UBE2D3: variants seen among roughly 807,000 people sequenced by gnomAD.
The protein encoded by UBE2D3 is ubiquitin-conjugating enzyme E2 D3.
In UBE2D3, 2 loss-of-function variants were observed where a neutral mutation model predicts 22.8. That is an observed-to-expected ratio of 0.09 (90% CI 0.04 to 0.28). The LOEUF (loss-of-function observed/expected upper bound fraction) is 0.28. Among genes scored for constraint, UBE2D3 ranks in the 10% least tolerant of loss-of-function variants. UBE2D3 has a pLI of 1.00. For missense variants in UBE2D3, 27 were observed against 182.5 expected (o/e 0.15, Z 4.91); for synonymous variants, 56 against 60.4 (o/e 0.93, Z 0.34).
intron 6 of UBE2D3, among the ~76,000 whole-genome samples, chr4:102,800,152 A>G (rs987109963): frequency 6.6e-6 from 1 of 152,080 alleles, no homozygotes. Context: ...AGTGCCTGCT[A>G]TGTGCCAGTC....
rs78800645 is a variant in UBE2D3, at chr4:102,857,124, G to C, written c.-129+11591C>G. 8.8e-3 allele frequency among the ~76,000 whole-genome samples: 1,337 copies of C among 152,286 alleles called. 13 individuals are homozygous for C. Among genetic ancestry groups the C allele is most frequent in the African/African-American group, 0.029 (1,222 of 41,562 alleles). Reference sequence around the variant, plus strand: ...CCACACTAATGCAGGATATTAATAGGAGAAATGGTGTGTGTTGGGTTAGAG... The same window carrying C: ...CCACACTAATGCAGGATATTAATAGCAGAAATGGTGTGTGTTGGGTTAGAG... On this transcript the variant is annotated intron_variant, in intron 1 of 7. Coordinates refer to the UBE2D3 transcript ENST00000338145.
intron 6 of UBE2D3, 87 bp downstream of exon 6, chr4:102,801,367 G>A (rs1726129588): frequency 8.7e-7 from 1 of 1,153,008 alleles, no homozygotes; most frequent in Non-Finnish European, 1.2e-6. Context: ...CCAAAAAGCT[G>A]CCATAATAAA....
rs368222837 is a variant in UBE2D3 at position 102,860,530 on chromosome 4, C to G, written c.-129+8185G>C. On this transcript the variant is annotated intron_variant, in intron 1 of 7. Coordinates refer to the UBE2D3 transcript ENST00000338145. The stretch of plus-strand genomic sequence containing the variant: ...ACTAGCTTCAGAAGGGAAAGACGTT[C>G]ACCAGTCAGCCTGACTAGAGATTCT... 9.9e-4 allele frequency among the ~76,000 whole-genome samples: 151 copies of G among 151,930 alleles called. 1 individual carries two copies. Among genetic ancestry groups the G allele is most frequent in the African/African-American group, 3.5e-3 (147 of 41,500 alleles).
In UBE2D3 at chr4:102,796,535, C is replaced by A. The variant is rs1472934752; in HGVS notation, c.*880G>T. On this transcript the variant is annotated 3_prime_UTR_variant, in exon 8 of 8. Transcript: ENST00000453744. Reference sequence around the variant, plus strand: ...TCCCAACAGTATATACAAAAAACAGCTTTGCATTTACAAAAGATTGTTTCC... The same window carrying A: ...TCCCAACAGTATATACAAAAAACAGATTTGCATTTACAAAAGATTGTTTCC... The A allele has an allele frequency of 6.6e-6, 1 of 152,376 alleles. No homozygotes were observed. Among genetic ancestry groups the A allele is most frequent in the Non-Finnish European group, 1.5e-5 (1 of 67,886 alleles). The allele number at this position is 152,376 out of a possible 1,614,324, so 9.4% of individuals were successfully genotyped here. A position where few individuals can be genotyped will look rare whatever the true frequency, so the allele number is the denominator to read the frequency against.
At chr4:102,813,328 A>C (rs1728325661) in intron 2 of UBE2D3, among the ~76,000 whole-genome samples, 1 of 152,216 alleles carries the variant, frequency 6.6e-6, no homozygotes, top group Non-Finnish European at 1.5e-5. Flanking sequence ...CTGGAGTTGC[A>C]GGTACGCATC....
intron 1 of UBE2D3, among the ~76,000 whole-genome samples, chr4:102,866,022 A>G (rs1044911878): frequency 2.0e-5 from 3 of 152,224 alleles, no homozygotes; most frequent in African/African-American, 7.2e-5. Flanking sequence ...ACCATGTTTC[A>G]TGTGCAGCCA....
chr4:102,811,544 T>G (rs1728025782), intron 2 of UBE2D3: 1 of 110,544 alleles, frequency 9.0e-6, no homozygotes, highest in South Asian at 4.0e-5. Flanking sequence ...TAGCCACGCA[T>G]AGTGCACACG....
At chr4:102,831,898 G>A (rs1440969822), upstream of UBE2D3, among the ~76,000 whole-genome samples, 2 of 152,198 alleles carry the variant, frequency 1.3e-5, no homozygotes, top group East Asian at 3.8e-4. Flanking sequence ...ATGTAGTAGA[G>A]ATCTGTTGAT....
intron 4 of UBE2D3, among the ~76,000 whole-genome samples, chr4:102,805,907 T>C (rs61735688): frequency 0.012 from 1,827 of 152,296 alleles, 38 homozygotes; most frequent in African/African-American, 0.041. Context: ...GATCTCATCA[T>C]CAACTTCTTC....
Position 102,819,114 on chromosome 4 carries a change from T to G in UBE2D3, c.24+7371A>C, listed in dbSNP as rs140879035. On this transcript the variant is annotated intron_variant, in intron 2 of 7. Transcript: ENST00000453744. ...GGGAAGCCAAGGCAGGCGGATCACC[T>G]GAGGTCAGGAATTCAAGACCAGCCT... Among the ~76,000 whole-genome samples, 522 of 152,278 alleles carry G rather than the reference T, an allele frequency of 3.4e-3. 6 individuals carry two copies. The Middle Eastern group carries it at 0.054, about 16-fold the overall frequency.
Position 102,842,377 on chromosome 4 carries a change from C to G in UBE2D3, c.-128-15741G>C, listed in dbSNP as rs572647905. Among the ~76,000 whole-genome samples, 8 of 151,968 alleles carry G rather than the reference C, an allele frequency of 5.3e-5. No individual in the cohort carries two copies. The East Asian group carries it at 1.2e-3, about 22-fold the overall frequency. The stretch of plus-strand genomic sequence containing the variant: ...ACCAGCCTGGGCAACATAGTGGGAA[C>G]CTGTTTCTACCAAAACAAAAAACAA... On this transcript the variant is annotated intron_variant, in intron 1 of 7. Coordinates refer to the UBE2D3 transcript ENST00000338145.
upstream of UBE2D3, among the ~76,000 whole-genome samples, chr4:102,829,020 T>G (rs1016260145): frequency 5.3e-5 from 8 of 152,210 alleles, no homozygotes; most frequent in African/African-American, 1.9e-4. Context: ...AAGTTTTACC[T>G]AATAAAAACT....
chr4:102,835,070 C>A (rs1731319383), intron 1 of UBE2D3, among the ~76,000 whole-genome samples: 1 of 152,128 alleles, frequency 6.6e-6, no homozygotes, highest in Non-Finnish European at 1.5e-5. Flanking sequence ...TACAGAACCA[C>A]CAGTCTAATG....
chr4:102,800,425 C>T (rs1340914770), intron 6 of UBE2D3, among the ~76,000 whole-genome samples: 2 of 151,846 alleles, frequency 1.3e-5, no homozygotes, highest in South Asian at 4.1e-4. Context: ...AGTATGGCTG[C>T]CAAAAAAGTA....
chr4:102,833,771 ATAATTTCTTATAGAAAAGTAGTTG>A (rs1731237279), intron 1 of UBE2D3, among the ~76,000 whole-genome samples: 1 of 152,226 alleles, frequency 6.6e-6, no homozygotes, highest in Non-Finnish European at 1.5e-5. Flanking sequence ...ATCTCAGGAC[ATAATTTCTTATAGAAAAGTAGTTG>A]TGCCTGCAGA....
At chr4:102,807,285 C>T (rs1196627349) in intron 4 of UBE2D3, among the ~76,000 whole-genome samples, 2 of 152,164 alleles carry the variant, frequency 1.3e-5, no homozygotes, top group Non-Finnish European at 2.9e-5. Flanking sequence ...GATGCTTTGT[C>T]ACAAAGAAGT....
At chr4:102,836,247 A>G (rs1731393843) in intron 1 of UBE2D3, among the ~76,000 whole-genome samples, 1 of 150,658 alleles carries the variant, frequency 6.6e-6, no homozygotes, top group Non-Finnish European at 1.5e-5. Context: ...CCTGGGTTCA[A>G]ATGATTCTCC....
At chr4:102,867,298 A>G (rs186354368) in intron 1 of UBE2D3, among the ~76,000 whole-genome samples, 72 of 152,342 alleles carry the variant, frequency 4.7e-4, no homozygotes, top group Admixed American at 4.7e-3. Flanking sequence ...TAAAATAAAA[A>G]TACCAAGGGG....
chr4:102,828,513 A>G (rs148737259), upstream of UBE2D3, among the ~76,000 whole-genome samples: 211 of 152,312 alleles, frequency 1.4e-3, no homozygotes, highest in Middle Eastern at 0.017. Flanking sequence ...GTCAAGCTCA[A>G]TTGAGTGGAT....
Sources: gnomAD v4.1 joint callset for allele counts (sites outside exome capture counted in the v4.1 genomes callset) on GRCh38, gnomAD v4.1.1 for gene constraint, MANE v1.5 for transcripts, NCBI Gene and HGNC (gene_info 2026-07-23, HGNC 2026-07-21) for gene names.